Variants in MAZ observed in about 807,000 individuals in gnomAD.
The protein encoded by MAZ is myc-associated zinc finger protein.
A neutral mutation model predicts 32.7 loss-of-function variants in MAZ; 4 were observed. The observed-to-expected ratio is 0.12, with a 90% CI of 0.06 to 0.28. The LOEUF is 0.28. Among genes scored for constraint, MAZ ranks in the 10% least tolerant of loss-of-function variants. MAZ has a pLI of 1.00. For synonymous variants in MAZ, 510 were observed against 297.6 expected (o/e 1.71, Z -7.35); for missense variants, 763 against 667.2 (o/e 1.14, Z -1.58).
rs766378276 is a variant in MAZ, at chr16:29,807,578, G to A, written c.793G>A (p.Val265Met). 2 of 1,609,876 alleles carry A rather than the reference G, an allele frequency of 1.2e-6. No homozygotes were observed. The highest frequency in any genetic ancestry group is 1.7e-6 in the Non-Finnish European group (2 of 1,178,498). ...CGCTGCCGCAGTGGCCGCCGGTGGC[G>A]TGGTGACCACGACCGCCTCGGGGAA... Reference protein sequence around the residue: ...GGAAAVAAGGVVTTTASGKRI... With the variant: ...GGAAAVAAGGMVTTTASGKRI... The change falls in exon 2 of 5, where the codon GTG (valine) becomes ATG (methionine). Residue 265 changes from valine (V) to methionine (M), a missense_variant. Transcript: ENST00000322945.
chr16:29,807,944 C>T (rs1368921548), intron 2 of MAZ, 116 bp downstream of exon 2: 2 of 1,491,286 alleles, frequency 1.3e-6, no homozygotes, highest in Non-Finnish European at 1.8e-6. Flanking sequence ...GAAGGGGAGC[C>T]ACTCCCAGGG....
At position 29,807,377 on chromosome 16, in the gene MAZ, G is replaced by A. The variant is rs767931266; in HGVS notation, c.592G>A (p.Glu198Lys). 4 of 1,612,438 alleles carry A rather than the reference G, an allele frequency of 2.5e-6. No homozygotes were observed. The highest frequency in any genetic ancestry group is 3.4e-6 in the Non-Finnish European group (4 of 1,179,744). Residue 198 changes from glutamate to lysine, a missense_variant, in exon 2 of 5, where the codon GAG becomes AAG. Physicochemically the swap from Glu to Lys is moderately conservative, Grantham distance 56. Coordinates refer to ENST00000322945, the MANE Select transcript of MAZ (RefSeq NM_002383.4). Reference sequence around the variant, plus strand: ...CTACATCTGCGCTCTGTGCGCCAAGGAGTTCAAGAACGGCTACAATCTCCG... The same window carrying A: ...CTACATCTGCGCTCTGTGCGCCAAGAAGTTCAAGAACGGCTACAATCTCCG... ...GPYICALCAKEFKNGYNLRRH... is the reference protein window; with the variant it reads ...GPYICALCAKKFKNGYNLRRH...
Position 29,807,523 on chromosome 16 carries a change from G to A in MAZ, c.738G>A (p.Gly246=), listed in dbSNP as rs765211854. The A allele has an allele frequency of 4.4e-5, 71 of 1,609,466 alleles. 1 individual carries two copies. The South Asian group carries it at 7.7e-4, about 17-fold the overall frequency. The change falls in exon 2 of 5, where the codon GGG becomes GGA. Residue 246 remains glycine (G), a synonymous_variant. Coordinates refer to ENST00000322945, the MANE Select transcript of MAZ (RefSeq NM_002383.4). ...TGCCCCAGCTGAGCGGAGCCGGCGG[G>A]GGAGGGGGAGAGGCGGGTGCCGGCG... ...LSVPQLSGAG[G]GGGEAGAGGG... is the part of the protein sequence containing the mutation.
intron 2 of MAZ, 187 bp from the exon 3 acceptor site, chr16:29,808,043 G>A (rs1270958938): frequency 9.4e-7 from 1 of 1,066,262 alleles, no homozygotes; most frequent in Non-Finnish European, 1.3e-6. Flanking sequence ...GAAGCTTCGC[G>A]TGGGAGGAGG....
At position 29,807,194 on chromosome 16, in the gene MAZ, C is replaced by G; in HGVS notation, c.409C>G (p.Pro137Ala). ...LKQPPAPPPP[P>A]PPVSAPAAEA... is the part of the protein sequence containing the mutation. ...GCAGCCTCCGGCGCCCCCTCCGCCACCCCCGCCAGTGTCGGCGCCCGCGGC... is the reference window on the plus strand; with the variant it reads ...GCAGCCTCCGGCGCCCCCTCCGCCAGCCCCGCCAGTGTCGGCGCCCGCGGC... The change falls in exon 2 of 5, where the codon CCC becomes GCC. Residue 137 changes from proline to alanine, a missense_variant. Physicochemically the swap from Pro to Ala is conservative, Grantham distance 27. Coordinates refer to ENST00000322945, the MANE Select transcript of MAZ (RefSeq NM_002383.4). 2 of 1,180,228 alleles carry G rather than the reference C, an allele frequency of 1.7e-6. No homozygotes were observed. Among genetic ancestry groups the G allele is most frequent in the South Asian group, 3.6e-5 (1 of 27,786 alleles). The allele number at this position is 1,180,228 out of a possible 1,614,324, so 73.1% of individuals were successfully genotyped here. A position where few individuals can be genotyped will look rare whatever the true frequency, so the allele number is the denominator to read the frequency against.
intron 2 of MAZ, 165 bp from the exon 3 acceptor site, chr16:29,808,065 G>T: frequency 1.0e-6 from 1 of 985,514 alleles, no homozygotes; most frequent in Non-Finnish European, 1.5e-6. Flanking sequence ...GGCGGCGGCG[G>T]CAGCGGCTGC....
At chr16:29,809,318 G>C (rs1466316023) in intron 4 of MAZ, 1 of 578,804 alleles carries the variant, frequency 1.7e-6, no homozygotes, top group Non-Finnish European at 3.1e-6. Flanking sequence ...AGTTCTGTAG[G>C]TACCAAGGCT....
At position 29,807,739 on chromosome 16, in the gene MAZ, C is replaced by T. The variant is rs1400658761; in HGVS notation, c.954C>T (p.Arg318=). ...QCPVCQQRFK[R]KDRMSYHVRS... ...CGGTGTGCCAGCAGCGCTTCAAGCG[C>T]AAGGACCGCATGAGCTACCACGTGC... Residue 318 remains arginine, a synonymous_variant, in exon 2 of 5, where the codon CGC becomes CGT. Coordinates refer to ENST00000322945, the MANE Select transcript of MAZ (RefSeq NM_002383.4). 2 of 1,612,718 alleles carry T rather than the reference C, an allele frequency of 1.2e-6. No individual in the cohort carries two copies. The highest frequency in any genetic ancestry group is 1.7e-6 in the Non-Finnish European group (2 of 1,179,988).
rs764997424 is a variant in MAZ, at chr16:29,810,065, T to A, written c.1280-12T>A. The A allele has an allele frequency of 6.2e-7, 1 of 1,600,062 alleles. No individual in the cohort carries two copies. The highest frequency in any genetic ancestry group is 8.5e-7 in the Non-Finnish European group (1 of 1,172,328). ...AGATCGCGCTGTGATCCGTGGTGTTTCTCCTGTGCAGGTACTGGTGAGGTT... is the reference window on the plus strand; with the variant it reads ...AGATCGCGCTGTGATCCGTGGTGTTACTCCTGTGCAGGTACTGGTGAGGTT... On this transcript the variant is annotated splice_polypyrimidine_tract_variant and intron_variant, in intron 4 of 4. Coordinates refer to ENST00000322945, the MANE Select transcript of MAZ (RefSeq NM_002383.4).
At chr16:29,809,965 G>C in intron 4 of MAZ, 112 bp from the exon 5 acceptor site, 1 of 1,506,702 alleles carries the variant, frequency 6.6e-7, no homozygotes, top group Non-Finnish European at 8.9e-7. Flanking sequence ...GGTCCAGATA[G>C]GAAGTGAGCA....
chr16:29,807,640 C>G lies in MAZ; in HGVS notation c.855C>G (p.Gly285=). 2 of 1,612,800 alleles carry G rather than the reference C, an allele frequency of 1.2e-6. No individual in the cohort carries two copies. The highest frequency in any genetic ancestry group is 2.2e-5 in the South Asian group (2 of 91,088). Residue 285 remains glycine, a synonymous_variant, in exon 2 of 5, where the codon GGC becomes GGG. Coordinates refer to ENST00000322945, the MANE Select transcript of MAZ (RefSeq NM_002383.4). ...IRKNHACEMC[G]KAFRDVYHLN... ...AGAACCATGCCTGCGAGATGTGTGG[C>G]AAGGCCTTCCGCGACGTCTACCACC...
rs1158880848 is a variant in MAZ, at chr16:29,811,044, C to T, written c.*813C>T. 3 of 455,234 alleles carry T rather than the reference C, an allele frequency of 6.6e-6. No individual in the cohort carries two copies. The highest frequency in any genetic ancestry group is 2.4e-5 in the Admixed American group (1 of 42,514). The allele number at this position is 455,234 out of a possible 1,614,324, so 28.2% of individuals were successfully genotyped here. ...CTTGTCTTTTCATCCCTCTTCCCCACGACAGAAGAAGTTGTGGCCCTGGCC... is the reference window on the plus strand; with the variant it reads ...CTTGTCTTTTCATCCCTCTTCCCCATGACAGAAGAAGTTGTGGCCCTGGCC... On this transcript the variant is annotated 3_prime_UTR_variant, in exon 5 of 5. Transcript: ENST00000322945.
intron 4 of MAZ, chr16:29,809,689 G>T: frequency 1.3e-6 from 2 of 1,530,270 alleles, no homozygotes; most frequent in East Asian, 2.3e-5. Flanking sequence ...CCATCTGGGG[G>T]GGGCCGCCCC....
intron 4 of MAZ, chr16:29,809,037 G>A: frequency 3.7e-6 from 2 of 543,176 alleles, no homozygotes; most frequent in Admixed American, 3.6e-5. Context: ...CAGTTCCAGG[G>A]GTCACAAGGC....
Position 29,810,202 on chromosome 16 carries a change from T to C in MAZ, c.1405T>C (p.Ser469Pro). The C allele has an allele frequency of 6.2e-7, 1 of 1,601,066 alleles. No homozygotes were observed. The highest frequency in any genetic ancestry group is 8.5e-7 in the Non-Finnish European group (1 of 1,173,908). Residue 469 changes from serine to proline, a missense_variant, in exon 5 of 5, where the codon TCT becomes CCT. Transcript: ENST00000322945. ...LSGAEGVPVS[S>P]QPLPSQPW ...GGGGGCGGAGGGGGTGCCTGTGAGC[T>C]CTCAGCCACTTCCCTCCCAACCCTG...
At chr16:29,810,001 C>T in intron 4 of MAZ, 76 bp from the exon 5 acceptor site, 1 of 1,545,478 alleles carries the variant, frequency 6.5e-7, no homozygotes, top group African/African-American at 1.4e-5. Flanking sequence ...GGGAAGCAGG[C>T]TGGGAAGGTG....
intron 4 of MAZ, chr16:29,809,106 C>CA: frequency 1.9e-6 from 1 of 517,456 alleles, no homozygotes. Context: ...AGGTGGAGTA[C>CA]ACGGGCCGGG....
chr16:29,806,939 G>C, intron 1 of MAZ, 39 bp from the exon 2 acceptor site: 1 of 1,165,614 alleles, frequency 8.6e-7, no homozygotes, highest in Non-Finnish European at 1.1e-6. Context: ...GGGGACGCCC[G>C]CCCGCACCCG....
chr16:29,811,104 C>G lies in MAZ; in HGVS notation c.*873C>G, dbSNP rs1056826491. 20 of 451,048 alleles carry G rather than the reference C, an allele frequency of 4.4e-5. No individual in the cohort carries two copies. Among genetic ancestry groups the G allele is most frequent in the Non-Finnish European group, 7.1e-5 (16 of 224,514 alleles). The allele number at this position is 451,048 out of a possible 1,614,324, so 27.9% of individuals were successfully genotyped here. ...TGTTCCTGTGTCCCCTGCATGTACC[C>G]CACCCTCCACCCCTTCCTTTTGCGC... On this transcript the variant is annotated 3_prime_UTR_variant, in exon 5 of 5. Transcript: ENST00000322945.
Sources: allele counts gnomAD v4.1 joint callset, GRCh38; gene constraint gnomAD v4.1.1; transcripts MANE v1.5; gene names NCBI Gene and HGNC (gene_info 2026-07-23, HGNC 2026-07-21).